The following WDFY2 variants were observed in gnomAD, a reference collection of about 807,000 sequenced individuals.
The protein encoded by WDFY2 is WD repeat and FYVE domain containing 2.
A neutral mutation model predicts 56.4 loss-of-function variants in WDFY2; 36 were observed. The ratio of observed to expected loss-of-function variants is 0.64; its 90% CI spans 0.49 to 0.84. The LOEUF is 0.84. WDFY2 is among the 40% of genes least tolerant of loss of function. WDFY2 has a pLI of 0.00. For missense variants in WDFY2, 444 were observed against 512.2 expected (o/e 0.87, Z 1.29); for synonymous variants, 176 against 183.7 (o/e 0.96, Z 0.34).
At chr13:51,588,230 G>A (rs1953981171) in intron 1 of WDFY2, 1 of 152,178 alleles carries the variant, frequency 6.6e-6, no homozygotes. Flanking sequence ...CTGCCTAGGA[G>A]CTTCCTTTCA....
At chr13:51,688,219 G>T (rs1956093869) in intron 3 of WDFY2, among the ~76,000 whole-genome samples, 1 of 152,166 alleles carries the variant, frequency 6.6e-6, no homozygotes, top group African/African-American at 2.4e-5. Flanking sequence ...CCAGGTGTCA[G>T]ACTTGGGTAA....
At chr13:51,622,677 C>G (rs148114194) in intron 1 of WDFY2, among the ~76,000 whole-genome samples, 4 of 152,158 alleles carry the variant, frequency 2.6e-5, no homozygotes, top group South Asian at 2.1e-4. Flanking sequence ...TGGCATTATG[C>G]TGGGTTGAAA....
At chr13:51,590,613 C>T (rs1344974483) in intron 1 of WDFY2, 1 of 152,140 alleles carries the variant, frequency 6.6e-6, no homozygotes, top group African/African-American at 2.4e-5. Context: ...ACAGTATATA[C>T]TTAGAAGAGA....
chr13:51,695,036 C>T (rs1034550110), intron 3 of WDFY2, among the ~76,000 whole-genome samples: 2 of 152,216 alleles, frequency 1.3e-5, no homozygotes, highest in Admixed American at 1.3e-4. Flanking sequence ...GCTCCATCAG[C>T]TCCTTTAAGC....
chr13:51,688,413 T>G (rs1956096923), intron 3 of WDFY2, among the ~76,000 whole-genome samples: 1 of 152,204 alleles, frequency 6.6e-6, no homozygotes, highest in African/African-American at 2.4e-5. Flanking sequence ...AATGTCATTT[T>G]GAGGGGGCTC....
intron 1 of WDFY2, among the ~76,000 whole-genome samples, chr13:51,626,731 C>T (rs754113965): frequency 1.3e-5 from 2 of 152,186 alleles, no homozygotes; most frequent in Admixed American, 6.5e-5. Flanking sequence ...GAGACAACCA[C>T]AATAATAAAA....
At chr13:51,626,161 C>T (rs1228326223) in intron 1 of WDFY2, among the ~76,000 whole-genome samples, 1 of 152,190 alleles carries the variant, frequency 6.6e-6, no homozygotes, top group East Asian at 1.9e-4. Context: ...GAGGCCCAAG[C>T]TTGTCTTTAG....
intron 4 of WDFY2, among the ~76,000 whole-genome samples, chr13:51,706,082 T>C (rs1488369003): frequency 1.3e-5 from 2 of 152,352 alleles, no homozygotes; most frequent in African/African-American, 4.8e-5. Context: ...GCCATTATTC[T>C]TTGAGTCTCT....
chr13:51,633,783 A>G (rs891334079), intron 1 of WDFY2, among the ~76,000 whole-genome samples: 5 of 152,204 alleles, frequency 3.3e-5, no homozygotes, highest in Non-Finnish European at 7.3e-5. Context: ...CAAATAAATA[A>G]ATAGGGCAGC....
chr13:51,655,440 G>T (rs900144706), intron 1 of WDFY2, among the ~76,000 whole-genome samples: 1 of 151,648 alleles, frequency 6.6e-6, no homozygotes, highest in African/African-American at 2.4e-5. Context: ...TTCTGTGTCT[G>T]TTGAGGGGTG....
Position 51,665,337 on chromosome 13 carries a change from G to C in WDFY2, c.205+4674G>C, listed in dbSNP as rs149280564. Among the ~76,000 whole-genome samples, 461 of 152,292 alleles carry C rather than the reference G, an allele frequency of 3.0e-3. 2 individuals are homozygous for C. Among genetic ancestry groups the C allele is most frequent in the Middle Eastern group, 0.014 (4 of 294 alleles). The stretch of plus-strand genomic sequence containing the variant: ...TTAAAACACACCTATCTGGGACCTT[G>C]CATGAGCTTGTAAACCAGGCCCTCA... On this transcript the variant is annotated intron_variant, in intron 2 of 11. Coordinates refer to ENST00000298125, the MANE Select transcript of WDFY2 (RefSeq NM_052950.4).
At chr13:51,711,277 C>T (rs957063140) in intron 4 of WDFY2, among the ~76,000 whole-genome samples, 1 of 152,200 alleles carries the variant, frequency 6.6e-6, no homozygotes. Context: ...ACACCTTATA[C>T]AAAAATTAAT....
At chr13:51,630,428 T>G (rs1954929742) in intron 1 of WDFY2, among the ~76,000 whole-genome samples, 1 of 152,036 alleles carries the variant, frequency 6.6e-6, no homozygotes, top group East Asian at 1.9e-4. Flanking sequence ...TTTAGTGAAT[T>G]TTTTTGGTGT....
chr13:51,729,385 C>A (rs1952673411), intron 6 of WDFY2, among the ~76,000 whole-genome samples: 1 of 150,750 alleles, frequency 6.6e-6, no homozygotes, highest in Non-Finnish European at 1.5e-5. Flanking sequence ...TTGCCTCTTC[C>A]TTCAAAAGCT....
intron 2 of WDFY2, among the ~76,000 whole-genome samples, chr13:51,670,489 G>GCACA (rs55984632): frequency 0.018 from 2,403 of 131,462 alleles, 30 homozygotes; most frequent in East Asian, 0.035. Flanking sequence ...GTGCGCACAT[G>GCACA]CACACACACA....
intron 3 of WDFY2, among the ~76,000 whole-genome samples, chr13:51,679,353 C>G (rs1955940068): frequency 6.6e-6 from 1 of 152,104 alleles, no homozygotes; most frequent in Admixed American, 6.6e-5. Context: ...TCAAAACTTA[C>G]AGGGAGCCAC....
At chr13:51,703,683 G>A in intron 4 of WDFY2, 33 bp downstream of exon 4, 4 of 1,561,222 alleles carry the variant, frequency 2.6e-6, no homozygotes, top group Non-Finnish European at 3.5e-6. Context: ...TCATTACCCA[G>A]ATTCTAAAAT....
chr13:51,602,158 G>T (rs535521730), intron 1 of WDFY2, among the ~76,000 whole-genome samples: 1 of 152,302 alleles, frequency 6.6e-6, no homozygotes, highest in Non-Finnish European at 1.5e-5. Context: ...TTAATGTGTT[G>T]CATAGCAACA....
At chr13:51,611,609 T>G (rs561476145) in intron 1 of WDFY2, among the ~76,000 whole-genome samples, 87 of 152,356 alleles carry the variant, frequency 5.7e-4, no homozygotes, top group Admixed American at 3.5e-3. Context: ...CTTCATTCTT[T>G]CTTGCTGGTC....
Sources: allele counts gnomAD v4.1 joint callset (sites outside exome capture counted in the v4.1 genomes callset), GRCh38; gene constraint gnomAD v4.1.1; transcripts MANE v1.5; gene names NCBI Gene and HGNC (gene_info 2026-07-23, HGNC 2026-07-21).